The following STX2 variants were observed in gnomAD, a reference collection of about 807,000 sequenced individuals.
STX2 encodes the protein syntaxin-2.
A neutral mutation model predicts 40.6 loss-of-function variants in STX2; 27 were observed. The ratio of observed to expected loss-of-function variants is 0.66; its 90% CI spans 0.49 to 0.92. STX2 has a LOEUF of 0.92. Ranked by LOEUF, STX2 falls within the 40% of genes least tolerant of loss-of-function variation. STX2 has a pLI of 0.00. For missense variants in STX2, 328 were observed against 366.1 expected (o/e 0.90, Z 0.85); for synonymous variants, 123 against 119.1 (o/e 1.03, Z -0.22).
rs1192259496 is a variant in STX2 at position 130,807,039 on chromosome 12, C to A, written c.406G>T (p.Ala136Ser). The A allele has an allele frequency of 1.2e-6, 2 of 1,614,218 alleles. No individual in the cohort carries two copies. Among genetic ancestry groups the A allele is most frequent in the Non-Finnish European group, 1.7e-6 (2 of 1,180,032 alleles). The change falls in exon 6 of 11, where the codon GCA (alanine) becomes TCA (serine). Residue 136 changes from alanine (A) to serine (S), a missense_variant. Transcript: ENST00000392373. ...CTCCGCTCCCGAAACAGAGTCTGTGCCTCATTGTACTCCGCCATGGCTTCC... is the reference window on the plus strand; with the variant it reads ...CTCCGCTCCCGAAACAGAGTCTGTGACTCATTGTACTCCGCCATGGCTTCC... Reference protein sequence around the residue: ...FVEAMAEYNEAQTLFRERSKG... With the variant: ...FVEAMAEYNESQTLFRERSKG...
intron 9 of STX2, among the ~76,000 whole-genome samples, chr12:130,797,722 T>C (rs1951075831): frequency 6.6e-6 from 1 of 152,200 alleles, no homozygotes; most frequent in African/African-American, 2.4e-5. Flanking sequence ...GAGAGTAAGT[T>C]TTAAATTTTT....
chr12:130,792,102 TC>T (rs1434653040), intron 10 of STX2, 125 bp from the exon 11 acceptor site: 7 of 582,880 alleles, frequency 1.2e-5, no homozygotes, highest in Non-Finnish European at 2.1e-5. Flanking sequence ...AAAGGACTCC[TC>T]CATGTCATAG....
intron 6 of STX2, among the ~76,000 whole-genome samples, chr12:130,802,868 G>A (rs965474783): frequency 6.6e-6 from 1 of 152,202 alleles, no homozygotes; most frequent in African/African-American, 2.4e-5. Context: ...AACACATAGT[G>A]TATAATTCCA....
At chr12:130,820,847 T>C (rs1039364479) in intron 3 of STX2, among the ~76,000 whole-genome samples, 2 of 152,100 alleles carry the variant, frequency 1.3e-5, no homozygotes, top group Non-Finnish European at 2.9e-5. Flanking sequence ...GCCATTTTCA[T>C]GGATTCAAAG....
chr12:130,811,132 C>CGG (rs973127037), intron 4 of STX2, among the ~76,000 whole-genome samples: 1 of 152,012 alleles, frequency 6.6e-6, no homozygotes, highest in African/African-American at 2.4e-5. Context: ...CTGAGACTGG[C>CGG]GGATCATTTG....
intron 2 of STX2, among the ~76,000 whole-genome samples, chr12:130,822,584 A>T (rs1952156347): frequency 6.6e-6 from 1 of 152,202 alleles, no homozygotes. Context: ...ATGGAGTCAT[A>T]ACATTATCTT....
rs920151025 is a variant in STX2 at position 130,821,374 on chromosome 12, G to A, written c.205+315C>T. Among the ~76,000 whole-genome samples the A allele has an allele frequency of 2.2e-4, 33 of 152,294 alleles. No homozygotes were observed. In the South Asian group the frequency reaches 2.5e-3, roughly 11 times the overall value. On this transcript the variant is annotated intron_variant, in intron 3 of 10. Coordinates refer to ENST00000392373, the MANE Select transcript of STX2 (RefSeq NM_194356.4). The stretch of plus-strand genomic sequence containing the variant: ...ATTCACTGCCCTCTGAACAGAAAAT[G>A]CTGTCTTGCTGAACTGTGGTCTAAT...
rs143335736 is a variant in STX2, at chr12:130,796,891, G to A, written c.787-771C>T. On this transcript the variant is annotated intron_variant, in intron 9 of 10. Coordinates refer to ENST00000392373, the MANE Select transcript of STX2 (RefSeq NM_194356.4). ...AGAAAAAAAAAACCCTTCTACAAAC[G>A]TTGCCTGGCCTCCCTCTGAGGGCCA... 2.1e-3 allele frequency among the ~76,000 whole-genome samples: 315 copies of A among 152,110 alleles called. 1 individual carries two copies. Among genetic ancestry groups the A allele is most frequent in the African/African-American group, 7.3e-3 (302 of 41,516 alleles).
At position 130,801,717 on chromosome 12, in the gene STX2, T is replaced by C. The variant is rs541245413; in HGVS notation, c.464-229A>G. ...TGTAAATGTTATAAACAATAAAATTTCATTTTAATATTAGTGAGAAACAAC... is the reference window on the plus strand; with the variant it reads ...TGTAAATGTTATAAACAATAAAATTCCATTTTAATATTAGTGAGAAACAAC... On this transcript the variant is annotated intron_variant, in intron 6 of 10. Coordinates refer to ENST00000392373, the MANE Select transcript of STX2 (RefSeq NM_194356.4). 4.6e-5 allele frequency among the ~76,000 whole-genome samples: 7 copies of C among 152,300 alleles called. No individual in the cohort carries two copies. In the East Asian group the frequency reaches 1.4e-3, roughly 29 times the overall value.
At chr12:130,814,828 G>T (rs1951800278) in intron 3 of STX2, among the ~76,000 whole-genome samples, 1 of 151,852 alleles carries the variant, frequency 6.6e-6, no homozygotes, top group Non-Finnish European at 1.5e-5. Flanking sequence ...GTAGAGATGG[G>T]GTTTCGCCAT....
At chr12:130,794,521 G>A (rs1950970589) in intron 10 of STX2, among the ~76,000 whole-genome samples, 1 of 152,116 alleles carries the variant, frequency 6.6e-6, no homozygotes, top group Non-Finnish European at 1.5e-5. Flanking sequence ...GTTTTGAGAT[G>A]GTCTCGCTCT....
At chr12:130,811,353 GTC>G (rs1249563716) in intron 4 of STX2, among the ~76,000 whole-genome samples, 37 of 80,950 alleles carry the variant, frequency 4.6e-4, no homozygotes, top group African/African-American at 1.2e-3. Flanking sequence ...GTGAGACTCT[GTC>G]TCAAAAAAAA....
At chr12:130,818,185 A>AAATATATAT in intron 3 of STX2, among the ~76,000 whole-genome samples, 13 of 70,542 alleles carry the variant, frequency 1.8e-4, no homozygotes, top group African/African-American at 1.1e-3. Flanking sequence ...AAAAAAAAAA[A>AAATATATAT]ATATATATAT....
Position 130,805,591 on chromosome 12 carries a change from C to G in STX2, c.463+1391G>C, listed in dbSNP as rs529675688. ...ACACGCTGCCAGGCAGACGAGGGTGCCATGAGGTTCACGGCCATCAGAGCA... is the reference window on the plus strand; with the variant it reads ...ACACGCTGCCAGGCAGACGAGGGTGGCATGAGGTTCACGGCCATCAGAGCA... On this transcript the variant is annotated intron_variant, in intron 6 of 10. Transcript: ENST00000392373. Among the ~76,000 whole-genome samples, 45 of 152,266 alleles carry G rather than the reference C, an allele frequency of 3.0e-4. No homozygotes were observed. The East Asian group carries it at 7.9e-3, about 27-fold the overall frequency.
In STX2 at chr12:130,812,965, T is replaced by C; in HGVS notation, c.272A>G (p.Lys91Arg). ...IKKTANKIRA[K>R]LKAIEQSFDQ... Reference sequence around the variant, plus strand: ...TAAAACTTCAAACTTACCCTTTAACTTGGCTCGAATTTTATTCGCAGTTTT... The same window carrying C: ...TAAAACTTCAAACTTACCCTTTAACCTGGCTCGAATTTTATTCGCAGTTTT... Residue 91 changes from lysine (K) to arginine (R), a missense_variant, in exon 4 of 11, where the codon AAG becomes AGG. By Grantham distance (26) the Lys-to-Arg change is conservative. Transcript: ENST00000392373. 1 of 1,553,570 alleles carries C rather than the reference T, an allele frequency of 6.4e-7. No individual in the cohort carries two copies. The highest frequency in any genetic ancestry group is 2.3e-5 in the East Asian group (1 of 42,940).
intron 3 of STX2, among the ~76,000 whole-genome samples, 192 bp downstream of exon 3, chr12:130,821,497 A>G (rs1468923745): frequency 3.3e-5 from 5 of 152,090 alleles, no homozygotes; most frequent in Admixed American, 3.3e-4. Context: ...TCATACAGGC[A>G]GCTTTAAGAA....
intron 6 of STX2, 110 bp from the exon 7 acceptor site, chr12:130,801,598 T>C: frequency 8.4e-7 from 1 of 1,183,476 alleles, no homozygotes; most frequent in Non-Finnish European, 1.1e-6. Context: ...CATTTTTCAG[T>C]AATTTTTTTA....
intron 1 of STX2, among the ~76,000 whole-genome samples, chr12:130,836,156 G>A (rs1952751043): frequency 6.6e-6 from 1 of 152,030 alleles, no homozygotes; most frequent in Non-Finnish European, 1.5e-5. Flanking sequence ...GCGGGGCGGG[G>A]GAGGGGAATT....
intron 9 of STX2, among the ~76,000 whole-genome samples, chr12:130,796,892 T>C (rs1951046470): frequency 1.3e-5 from 2 of 151,262 alleles, no homozygotes; most frequent in African/African-American, 2.4e-5. Flanking sequence ...TCTACAAACG[T>C]TGCCTGGCCT....
Sources: gnomAD v4.1 joint callset for allele counts (sites outside exome capture counted in the v4.1 genomes callset) on GRCh38, gnomAD v4.1.1 for gene constraint, MANE v1.5 for transcripts, NCBI Gene and HGNC (gene_info 2026-07-23, HGNC 2026-07-21) for gene names.